Variants in SYT1 observed in about 807,000 individuals in gnomAD.
SYT1 encodes synaptotagmin 1.
Under a neutral mutation model 44.8 loss-of-function variants are expected in SYT1, and 8 were observed. The ratio of observed to expected loss-of-function variants is 0.18; its 90% CI spans 0.10 to 0.32. SYT1 has a LOEUF of 0.32. SYT1 is among the 10% of genes least tolerant of loss of function. SYT1 has a pLI of 1.00. For synonymous variants in SYT1, 154 were observed against 188.8 expected, an observed-to-expected ratio of 0.82 and a Z score of 1.51; for missense variants, 286 against 509.3, an observed-to-expected ratio of 0.56 and a Z score of 4.22.
intron 1 of SYT1, among the ~76,000 whole-genome samples, chr12:78,885,340 A>AAAGGAAGGAAGGAACG (rs1373449787): frequency 3.0e-4 from 9 of 29,938 alleles, no homozygotes; most frequent in African/African-American, 1.0e-3. Context: ...GGGAAGGAAG[A>AAAGGAAGGAAGGAACG]AAGGAAGGAA....
At chr12:78,998,784 A>G (rs186389895) in intron 2 of SYT1, among the ~76,000 whole-genome samples, 149 of 152,324 alleles carry the variant, frequency 9.8e-4, no homozygotes, top group African/African-American at 3.4e-3. Flanking sequence ...TCATTCTTAA[A>G]AATGAATCAG....
intron 1 of SYT1, among the ~76,000 whole-genome samples, chr12:78,874,946 T>C (rs993228889): frequency 6.6e-6 from 1 of 151,626 alleles, no homozygotes; most frequent in Non-Finnish European, 1.5e-5. Flanking sequence ...ATAGTCTTTA[T>C]TCATCTCATT....
At chr12:79,003,009 A>G (rs925486825) in intron 2 of SYT1, among the ~76,000 whole-genome samples, 2 of 152,032 alleles carry the variant, frequency 1.3e-5, no homozygotes, top group Non-Finnish European at 2.9e-5. Context: ...AGTAGAACAA[A>G]GCAGCTGTTT....
intron 2 of SYT1, among the ~76,000 whole-genome samples, chr12:78,989,213 G>A (rs1869853931): frequency 6.6e-6 from 1 of 152,072 alleles, no homozygotes; most frequent in African/African-American, 2.4e-5. Flanking sequence ...AGAGAAGCCA[G>A]TTAGGCAGTT....
intron 4 of SYT1, among the ~76,000 whole-genome samples, chr12:79,254,906 GA>G (rs1655811568): frequency 6.6e-6 from 1 of 152,180 alleles, no homozygotes; most frequent in Non-Finnish European, 1.5e-5. Context: ...AACAGATAAA[GA>G]ATTGCTTCTT....
intron 9 of SYT1, among the ~76,000 whole-genome samples, chr12:79,384,591 T>C (rs1730926553): frequency 1.3e-5 from 2 of 152,208 alleles, no homozygotes; most frequent in Non-Finnish European, 2.9e-5. Flanking sequence ...ATGTATGTTA[T>C]AGACACAAAG....
At chr12:79,446,814 CCAA>C (rs796257706) in intron 10 of SYT1, among the ~76,000 whole-genome samples, 95 of 152,232 alleles carry the variant, frequency 6.2e-4, no homozygotes, top group African/African-American at 2.1e-3. Context: ...TCAATTTTTT[CCAA>C]CGATTTATTT....
intron 1 of SYT1, among the ~76,000 whole-genome samples, chr12:78,875,305 A>G (rs960102690): frequency 9.9e-5 from 15 of 151,816 alleles, no homozygotes; most frequent in Admixed American, 5.9e-4. Flanking sequence ...AAAATAGTAG[A>G]CAGGTTTCCT....
chr12:79,064,719 T>C (rs1875635318), intron 3 of SYT1, among the ~76,000 whole-genome samples: 1 of 151,736 alleles, frequency 6.6e-6, no homozygotes, highest in East Asian at 1.9e-4. Flanking sequence ...GGGGGTATGA[T>C]TTTTCTTTTT....
intron 8 of SYT1, among the ~76,000 whole-genome samples, chr12:79,318,129 T>C (rs559438089): frequency 6.6e-6 from 1 of 152,128 alleles, no homozygotes; most frequent in Admixed American, 6.5e-5. Context: ...TATAAAGAGA[T>C]GTATAGAAAT....
intron 9 of SYT1, among the ~76,000 whole-genome samples, chr12:79,385,309 G>A (rs1030169862): frequency 8.6e-5 from 13 of 152,006 alleles, no homozygotes; most frequent in Non-Finnish European, 4.4e-5. Context: ...TTTCCATATG[G>A]AAAAAACTAC....
chr12:79,195,034 C>T (rs971752228), intron 3 of SYT1, among the ~76,000 whole-genome samples: 9 of 152,086 alleles, frequency 5.9e-5, no homozygotes, highest in Non-Finnish European at 1.0e-4. Context: ...CACAAATAAG[C>T]GAGAAAATCC....
intron 4 of SYT1, among the ~76,000 whole-genome samples, chr12:79,273,600 C>T (rs560098495): frequency 1.3e-5 from 2 of 152,148 alleles, no homozygotes; most frequent in Non-Finnish European, 2.9e-5. Context: ...CACAGGGGAG[C>T]GCCTTAACCC....
At chr12:79,064,989 A>G (rs1172829920) in intron 3 of SYT1, among the ~76,000 whole-genome samples, 2 of 143,060 alleles carry the variant, frequency 1.4e-5, no homozygotes, top group Non-Finnish European at 3.1e-5. Flanking sequence ...AGAAAGAAAG[A>G]AAGAAAGAAA....
chr12:79,403,970 C>T (rs1000162329), intron 9 of SYT1, among the ~76,000 whole-genome samples: 2 of 152,078 alleles, frequency 1.3e-5, no homozygotes. Context: ...GTGTAAATAT[C>T]GTTTAATCTG....
At chr12:79,087,717 C>T (rs930226039) in intron 3 of SYT1, among the ~76,000 whole-genome samples, 14 of 152,044 alleles carry the variant, frequency 9.2e-5, no homozygotes, top group Admixed American at 6.6e-5. Flanking sequence ...AAAGTGATGT[C>T]TCAGCTGGAT....
At chr12:78,872,005 C>G (rs370724116) in intron 1 of SYT1, among the ~76,000 whole-genome samples, 1 of 151,844 alleles carries the variant, frequency 6.6e-6, no homozygotes, top group Non-Finnish European at 1.5e-5. Flanking sequence ...TGTCTGTGTA[C>G]AGGAAATTCT....
chr12:79,107,022 A>G (rs1878756385), intron 3 of SYT1, among the ~76,000 whole-genome samples: 1 of 152,056 alleles, frequency 6.6e-6, no homozygotes, highest in Admixed American at 6.5e-5. Flanking sequence ...TCAAATGAGC[A>G]TGCTTATCTA....
chr12:78,890,772 C>T (rs1299556799), intron 1 of SYT1, among the ~76,000 whole-genome samples: 3 of 151,850 alleles, frequency 2.0e-5, no homozygotes, highest in Admixed American at 6.6e-5. Context: ...TTTCACTCCT[C>T]GCTATAACTG....
Sources: allele counts gnomAD v4.1 joint callset (sites outside exome capture counted in the v4.1 genomes callset), GRCh38; gene constraint gnomAD v4.1.1; transcripts MANE v1.5; gene names NCBI Gene and HGNC (gene_info 2026-07-23, HGNC 2026-07-21).